The following COBLL1 variants were observed in gnomAD, a reference collection of about 807,000 sequenced individuals.
COBLL1 encodes the protein cordon-bleu protein-like 1.
In COBLL1, 50 loss-of-function variants were observed where a neutral mutation model predicts 94.8. That is an observed-to-expected ratio of 0.53 (90% confidence interval 0.42 to 0.67). The LOEUF (loss-of-function observed/expected upper bound fraction) is 0.67. COBLL1 is among the 30% of genes least tolerant of loss of function. The pLI, the probability that COBLL1 is intolerant of heterozygous loss-of-function variation, is 0.00. For missense variants in COBLL1, 1,362 were observed against 1,348.7 expected, an observed-to-expected ratio of 1.01 and a Z score of -0.15; for synonymous variants, 448 against 473.8, an observed-to-expected ratio of 0.95 and a Z score of 0.71.
chr2:164,703,868 C>A (rs531641859), intron 9 of COBLL1, among the ~76,000 whole-genome samples: 9 of 152,174 alleles, frequency 5.9e-5, no homozygotes, highest in Admixed American at 3.9e-4. Flanking sequence ...CTTAGAAAAG[C>A]TACTAAGTAG....
At chr2:164,786,535 G>C (rs1688964206) in intron 2 of COBLL1, among the ~76,000 whole-genome samples, 2 of 152,140 alleles carry the variant, frequency 1.3e-5, no homozygotes, top group African/African-American at 4.8e-5. Context: ...ACAGCAAGCA[G>C]CTCAGTTTCT....
chr2:164,741,527 TAA>T (rs548956601), intron 3 of COBLL1, among the ~76,000 whole-genome samples: 23 of 137,218 alleles, frequency 1.7e-4, no homozygotes, highest in Admixed American at 1.5e-4. Flanking sequence ...AGTTCCCAAT[TAA>T]AAAAAAAAAA....
At chr2:164,665,916 G>A (rs748777084) in intron 1 of COBLL1, 2 of 152,174 alleles carry the variant, frequency 1.3e-5, no homozygotes, top group Non-Finnish European at 2.9e-5. Flanking sequence ...TGAGAAAACA[G>A]ATTGACAGTG....
At chr2:164,818,746 GTATA>G (rs758908378) in intron 2 of COBLL1, among the ~76,000 whole-genome samples, 1 of 141,526 alleles carries the variant, frequency 7.1e-6, no homozygotes, top group African/African-American at 2.8e-5. Flanking sequence ...TAAACATATA[GTATA>G]TATATGTACT....
At position 164,695,627 on chromosome 2, in the gene COBLL1, G is replaced by T. The variant is rs1683900654; in HGVS notation, c.1765C>A (p.Gln589Lys). 1 of 1,613,848 alleles carries T rather than the reference G, an allele frequency of 6.2e-7. No individual in the cohort carries two copies. Reference protein sequence around the residue: ...NHLAASSVPDQKLNQPSAEKT... With the variant: ...NHLAASSVPDKKLNQPSAEKT... Reference sequence around the variant, plus strand: ...TCTGCACTGGGTTGATTCAGTTTTTGATCTGGTACTGATGAAGCTGCTAGA... The same window carrying T: ...TCTGCACTGGGTTGATTCAGTTTTTTATCTGGTACTGATGAAGCTGCTAGA... Residue 589 changes from glutamine to lysine, a missense_variant, in exon 12 of 14, where the codon CAA (glutamine) becomes AAA (lysine). Transcript: ENST00000652658.
rs2105404358 is a variant in COBLL1 at position 164,841,157 on chromosome 2, T to C, written c.40A>G (p.Arg14Gly). ...GGCGGCGCGGCGCTCTGGGCTTACCTGGCTGGGGCGTCCTGCGGGCGCGGG... is the reference window on the plus strand; with the variant it reads ...GGCGGCGCGGCGCTCTGGGCTTACCCGGCTGGGGCGTCCTGCGGGCGCGGG... ...RTPRPQDAPA[R>G]RKPKAKAPLP... Residue 14 changes from arginine (R) to glycine (G), a missense_variant and splice_region_variant, in exon 2 of 14, where the codon AGG becomes GGG. Physicochemically the swap from Arg to Gly is moderately radical, Grantham distance 125. Coordinates refer to ENST00000652658, the MANE Select transcript of COBLL1 (RefSeq NM_001365672.2). The surrounding 1 kb of genome is among the most constrained non-coding windows in gnomAD (Gnocchi z 5.5). 5 of 1,230,652 alleles carry C rather than the reference T, an allele frequency of 4.1e-6. No individual in the cohort carries two copies. In the South Asian group the frequency reaches 1.6e-4, roughly 40 times the overall value. 76.2% of individuals were successfully genotyped at this position (1,230,652 alleles called of 1,614,324 possible). A position where few individuals can be genotyped will look rare whatever the true frequency, so the allele number is the denominator to read the frequency against.
At chr2:164,826,982 G>A (rs144781411) in intron 2 of COBLL1, among the ~76,000 whole-genome samples, 1,631 of 151,046 alleles carry the variant, frequency 0.011, 7 homozygotes, top group African/African-American at 0.026. Context: ...ACAGGGTCTC[G>A]CTCTATCACC....
Position 164,727,989 on chromosome 2 carries a change from T to C in COBLL1, c.641A>G (p.Tyr214Cys), listed in dbSNP as rs1685799042. 1 of 1,609,254 alleles carries C rather than the reference T, an allele frequency of 6.2e-7. No homozygotes were observed. The highest frequency in any genetic ancestry group is 8.5e-7 in the Non-Finnish European group (1 of 1,175,644). ...SLNDLGLREL[Y>C]AMDVNRESCQ... ...CTTACCTCTGTTGACATCCATCGCA[T>C]ATAATTCTCTTAGTCCCAGGTCATT... The change falls in exon 5 of 14, where the codon TAT becomes TGT. Residue 214 changes from tyrosine (Y) to cysteine (C), a missense_variant. Transcript: ENST00000652658.
chr2:164,686,214 T>A (rs759248869), intron 13 of COBLL1, among the ~76,000 whole-genome samples, 182 bp from the exon 14 acceptor site: 7 of 151,790 alleles, frequency 4.6e-5, no homozygotes, highest in Non-Finnish European at 8.8e-5. Context: ...AAAGAGAGAG[T>A]CGTTATTTTC....
At chr2:164,842,024 T>C, upstream of COBLL1, 3 of 1,536,942 alleles carry the variant, frequency 2.0e-6, no homozygotes, top group Non-Finnish European at 2.6e-6. Flanking sequence ...CGCACATAAG[T>C]GGGGACCAGC....
At chr2:164,770,533 T>A (rs1688155068) in intron 2 of COBLL1, among the ~76,000 whole-genome samples, 1 of 152,176 alleles carries the variant, frequency 6.6e-6, no homozygotes, top group African/African-American at 2.4e-5. Context: ...AATGTTTTCA[T>A]CTGCCTAGTT....
chr2:164,805,361 A>AT (rs1553480501), intron 2 of COBLL1, among the ~76,000 whole-genome samples: 1 of 119,558 alleles, frequency 8.4e-6, no homozygotes, highest in African/African-American at 3.2e-5. Flanking sequence ...ATATATATAT[A>AT]TAAAACTAAA....
chr2:164,795,343 C>T (rs376928734), intron 2 of COBLL1, among the ~76,000 whole-genome samples: 67 of 152,166 alleles, frequency 4.4e-4, no homozygotes, highest in African/African-American at 1.5e-3. Context: ...TACCTTTTTA[C>T]TTTTGATAAA....
At chr2:164,780,112 G>A (rs1688665513) in intron 2 of COBLL1, among the ~76,000 whole-genome samples, 1 of 152,098 alleles carries the variant, frequency 6.6e-6, no homozygotes. Flanking sequence ...CTGACTACCT[G>A]GACCCAATTC....
At chr2:164,746,167 T>A (rs1686849505) in intron 2 of COBLL1, among the ~76,000 whole-genome samples, 2 of 152,134 alleles carry the variant, frequency 1.3e-5, no homozygotes, top group South Asian at 4.1e-4. Flanking sequence ...CTCTATATCA[T>A]AAATAGACCC....
rs1683848813 is a variant in COBLL1 at position 164,695,114 on chromosome 2, C to T, written c.2278G>A (p.Asp760Asn). 1.9e-6 allele frequency: 3 copies of T among 1,613,898 alleles called. No individual in the cohort carries two copies. The highest frequency in any genetic ancestry group is 1.1e-5 in the South Asian group (1 of 91,070). ...SETIEYKDDQ[D>N]MHALGKKHTH... is the part of the protein sequence containing the mutation. ...TGCTTTTTCCCTAAAGCATGCATGT[C>T]CTGATCATCTTTATACTCTATGGTT... Residue 760 changes from aspartate (D) to asparagine (N), a missense_variant, in exon 12 of 14, where the codon GAC becomes AAC. Asp to Asn is a conservative substitution (Grantham distance 23, BLOSUM62 1). Coordinates refer to ENST00000652658, the MANE Select transcript of COBLL1 (RefSeq NM_001365672.2).
intron 2 of COBLL1, among the ~76,000 whole-genome samples, chr2:164,827,572 C>A (rs1411954987): frequency 1.3e-5 from 2 of 152,120 alleles, no homozygotes; most frequent in Non-Finnish European, 2.9e-5. Flanking sequence ...ATTATTTGGT[C>A]TTATTCTTCA....
At chr2:164,779,914 G>T in intron 2 of COBLL1, 4 of 259,820 alleles carry the variant, frequency 1.5e-5, no homozygotes, top group Non-Finnish European at 2.5e-5. Context: ...TTCTCATATT[G>T]CACTCAGGGC....
chr2:164,765,612 C>G (rs355840), intron 2 of COBLL1, among the ~76,000 whole-genome samples: 36,043 of 151,872 alleles, frequency 0.24, 5,052 homozygotes, highest in African/African-American at 0.39. Context: ...ATTGGCAAAG[C>G]GTTTGTGACA....
Sources: gnomAD v4.1 joint callset for allele counts (sites outside exome capture counted in the v4.1 genomes callset) on GRCh38, gnomAD v4.1.1 for gene constraint, Gnocchi (gnomAD v3.1) non-coding constraint, MANE v1.5 for transcripts, NCBI Gene and HGNC (gene_info 2026-07-23, HGNC 2026-07-21) for gene names.